Variants in POMT1 observed in about 807,000 individuals in gnomAD.
The protein encoded by POMT1 is protein O-mannosyltransferase 1, also known as protein O-mannosyl-transferase 1.
A neutral mutation model predicts 101.6 loss-of-function variants in POMT1; 85 were observed. The observed-to-expected ratio is 0.84, with a 90% CI of 0.70 to 1.00. The LOEUF (loss-of-function observed/expected upper bound fraction) is 1.00. POMT1 is among the 50% of genes least tolerant of loss of function. The pLI, the probability that POMT1 is intolerant of heterozygous loss-of-function variation, is 0.00. For synonymous variants in POMT1, 371 were observed against 383.0 expected, an observed-to-expected ratio of 0.97 and a Z score of 0.37; for missense variants, 857 against 930.4, an observed-to-expected ratio of 0.92 and a Z score of 1.03.
Position 131,520,210 on chromosome 9 carries a change from G to A in POMT1, c.1698+17G>A. The A allele has an allele frequency of 6.4e-7, 1 of 1,573,614 alleles. No homozygotes were observed. ...AGGACCAGCGTAAGCGAGCGATGCT[G>A]ACAGCTGACAGTCATAGATTCATCC... On this transcript the variant is annotated intron_variant, in intron 17 of 19. Coordinates refer to ENST00000402686, the MANE Select transcript of POMT1 (RefSeq NM_001077365.2).
intron 11 of POMT1, among the ~76,000 whole-genome samples, chr9:131,512,374 C>T (rs548219895): frequency 2.6e-5 from 4 of 152,282 alleles, no homozygotes; most frequent in African/African-American, 9.6e-5. Context: ...CTCAATGCCC[C>T]GACCTGTGTC....
chr9:131,505,750 G>A (rs1195206732), intron 2 of POMT1, among the ~76,000 whole-genome samples: 1 of 151,448 alleles, frequency 6.6e-6, no homozygotes, highest in Non-Finnish European at 1.5e-5. Context: ...TGTGCTGCTG[G>A]TGGGGGCGGG....
At chr9:131,514,897 A>T (rs1357330117) in intron 12 of POMT1, among the ~76,000 whole-genome samples, 2 of 152,214 alleles carry the variant, frequency 1.3e-5, no homozygotes, top group East Asian at 3.9e-4. Context: ...CAGAGATTGC[A>T]GTGAGCTGAG....
At position 131,519,501 on chromosome 9, in the gene POMT1, G is replaced by T; in HGVS notation, c.1584+15G>T. ...CGGAGCTGCAGGTGAGGAGCGGCCAGGGGAAGCTGGCCTAGCTCGCTGAGC... is the reference window on the plus strand; with the variant it reads ...CGGAGCTGCAGGTGAGGAGCGGCCATGGGAAGCTGGCCTAGCTCGCTGAGC... On this transcript the variant is annotated intron_variant, in intron 16 of 19. Transcript: ENST00000402686. The surrounding 1 kb of genome is among the most constrained non-coding windows in gnomAD (Gnocchi z 4.3). The T allele has an allele frequency of 6.5e-7, 1 of 1,548,424 alleles. No individual in the cohort carries two copies. The highest frequency in any genetic ancestry group is 1.2e-5 in the South Asian group (1 of 84,046).
chr9:131,508,822 A>G (rs1946434484), intron 5 of POMT1, 89 bp from the exon 6 acceptor site: 1 of 904,830 alleles, frequency 1.1e-6, no homozygotes, highest in Admixed American at 1.8e-5. Context: ...ATCGCTTCTG[A>G]AGTAATGCCT....
At chr9:131,514,420 C>T (rs891726072) in intron 12 of POMT1, among the ~76,000 whole-genome samples, 3 of 152,226 alleles carry the variant, frequency 2.0e-5, no homozygotes, top group Non-Finnish European at 4.4e-5. Context: ...CCCCCATGGC[C>T]CCTCTATGTA....
At chr9:131,508,840 T>C (rs1946439307) in intron 5 of POMT1, 71 bp from the exon 6 acceptor site, 1 of 1,096,792 alleles carries the variant, frequency 9.1e-7, no homozygotes, top group Admixed American at 1.7e-5. Flanking sequence ...CCTTTTTTCA[T>C]GAGTGTTTTT....
chr9:131,513,748 T>G (rs1947653910), intron 12 of POMT1, among the ~76,000 whole-genome samples: 1 of 152,220 alleles, frequency 6.6e-6, no homozygotes, highest in African/African-American at 2.4e-5. Context: ...CCGTGAAGGC[T>G]TCTTCCTTCT....
chr9:131,519,446 GCAGGAACCT>G lies in POMT1; in HGVS notation c.1548_1556del (p.Arg516_Leu518del). 6.4e-7 allele frequency: 1 copy of G among 1,551,478 alleles called. No individual in the cohort carries two copies. Among genetic ancestry groups the G allele is most frequent in the Non-Finnish European group, 8.7e-7 (1 of 1,147,106 alleles). ...CACTCACCTGCGCAGGTGGACGTCA[GCAGGAACCT>G]CAGCTTCATGGCGAGATTCTCGGAG... On this transcript the variant is annotated inframe_deletion, in exon 16 of 20. Coordinates refer to ENST00000402686, the MANE Select transcript of POMT1 (RefSeq NM_001077365.2). This position sits in a 1 kb window ranked among gnomAD's most constrained non-coding sequence, Gnocchi z 4.3.
rs1487699087 is a variant in POMT1, at chr9:131,519,993, G to A, written c.1585-87G>A. On this transcript the variant is annotated intron_variant, in intron 16 of 19. Transcript: ENST00000402686. This position sits in a 1 kb window ranked among gnomAD's most constrained non-coding sequence, Gnocchi z 4.3. The stretch of plus-strand genomic sequence containing the variant: ...TGAGCTGGGCCAGTCCACGTGCAAG[G>A]GGCAGCAGTGTACTCCTTTGACCAA... The A allele has an allele frequency of 2.0e-6, 2 of 987,162 alleles. No individual in the cohort carries two copies. The highest frequency in any genetic ancestry group is 3.2e-5 in the African/African-American group (2 of 62,404). 61.2% of individuals were successfully genotyped at this position (987,162 alleles called of 1,614,324 possible). A position where few individuals can be genotyped will look rare whatever the true frequency, so the allele number is the denominator to read the frequency against.
chr9:131,504,261 A>G lies in POMT1; in HGVS notation c.43A>G (p.Ile15Val). ...LKRPVVVTAD[I>V]NLSLVALTGM... ...GCGCCCTGTAGTGGTGACGGCTGAC[A>G]TCAACTTGAGCCTTGTGGCCCTGAC... Residue 15 changes from isoleucine to valine, a missense_variant, in exon 2 of 20, where the codon ATC becomes GTC. Physicochemically the swap from Ile to Val is conservative, Grantham distance 29. Coordinates refer to ENST00000402686, the MANE Select transcript of POMT1 (RefSeq NM_001077365.2). The G allele has an allele frequency of 1.2e-6, 2 of 1,614,168 alleles. No individual in the cohort carries two copies. The highest frequency in any genetic ancestry group is 1.7e-6 in the Non-Finnish European group (2 of 1,180,036).
chr9:131,513,250 T>C lies in POMT1; in HGVS notation c.1094T>C (p.Val365Ala), dbSNP rs1251343700. 1 of 1,612,676 alleles carries C rather than the reference T, an allele frequency of 6.2e-7. No individual in the cohort carries two copies. Among genetic ancestry groups the C allele is most frequent in the African/African-American group, 1.3e-5 (1 of 74,782 alleles). ...IVKDPRRHQL[V>A]VSSPPRPVRH... ...ACTGTGTCTTCCAGGCACCAGCTGG[T>C]GGTGAGCAGCCCTCCGAGACCTGTG... Residue 365 changes from valine to alanine, a missense_variant, in exon 12 of 20, where the codon GTG (valine) becomes GCG (alanine). Coordinates refer to ENST00000402686, the MANE Select transcript of POMT1 (RefSeq NM_001077365.2).
rs1047346627 is a variant in POMT1, at chr9:131,523,075, A to G, written c.2147A>G (p.Asp716Gly). Residue 716 changes from aspartate to glycine, a missense_variant, in exon 20 of 20, where the codon GAC (aspartate) becomes GGC (glycine). Coordinates refer to ENST00000402686, the MANE Select transcript of POMT1 (RefSeq NM_001077365.2). The stretch of plus-strand genomic sequence containing the variant: ...GAACTCAAGGCCCTTCGCTGGAAAG[A>G]CAGCTGGGACATCTTGATCCGAAAA... ...PHELKALRWK[D>G]SWDILIRKH The G allele has an allele frequency of 6.2e-7, 1 of 1,611,648 alleles. No homozygotes were observed. Among genetic ancestry groups the G allele is most frequent in the Non-Finnish European group, 8.5e-7 (1 of 1,179,888 alleles).
Position 131,523,256 on chromosome 9 carries a change from T to C in POMT1, c.*150T>C, listed in dbSNP as rs1564396623. ...TCTAGTGGAACACATGGGGGTCTCA[T>C]TGAAAAGCTCTCTGATGAGCACCTC... On this transcript the variant is annotated 3_prime_UTR_variant, in exon 20 of 20. Transcript: ENST00000402686. The C allele has an allele frequency of 6.5e-6, 6 of 925,560 alleles. No homozygotes were observed. The highest frequency in any genetic ancestry group is 6.5e-5 in the Admixed American group (3 of 46,370). The allele number at this position is 925,560 out of a possible 1,614,324, so 57.3% of individuals were successfully genotyped here.
Position 131,509,801 on chromosome 9 carries a change from G to A in POMT1, c.598G>A (p.Ala200Thr). 1 of 1,614,224 alleles carries A rather than the reference G, an allele frequency of 6.2e-7. No individual in the cohort carries two copies. The change falls in exon 7 of 20, where the codon GCA becomes ACA. Residue 200 changes from alanine (A) to threonine (T), a missense_variant. Ala to Thr is a moderately conservative substitution (Grantham distance 58). Transcript: ENST00000402686. ...ACTGACAGGGGTCGCTTGTTCCTGTGCAGTGGGGTGAGTTTGAGCCTCTGG... is the reference window on the plus strand; with the variant it reads ...ACTGACAGGGGTCGCTTGTTCCTGTACAGTGGGGTGAGTTTGAGCCTCTGG... ...LTLTGVACSC[A>T]VGIKYMGVFT...
Position 131,519,027 on chromosome 9 carries a change from C to A in POMT1, c.1486+70C>A. 1 of 1,603,954 alleles carries A rather than the reference C, an allele frequency of 6.2e-7. No homozygotes were observed. The highest frequency in any genetic ancestry group is 8.5e-7 in the Non-Finnish European group (1 of 1,177,866). Reference sequence around the variant, plus strand: ...AGCTGCTCAATATTTGATAACACCCCAGAGTTCTCATTTTGGTGGGAAGGG... The same window carrying A: ...AGCTGCTCAATATTTGATAACACCCAAGAGTTCTCATTTTGGTGGGAAGGG... On this transcript the variant is annotated intron_variant, in intron 15 of 19. Transcript: ENST00000402686. This position sits in a 1 kb window ranked among gnomAD's most constrained non-coding sequence, Gnocchi z 4.3.
At chr9:131,518,624 C>T in intron 14 of POMT1, 87 bp downstream of exon 14, 1 of 1,416,242 alleles carries the variant, frequency 7.1e-7, no homozygotes, top group Non-Finnish European at 1.0e-6. Context: ...CGCCTCTCTG[C>T]AGGCGGAACG....
chr9:131,523,324 C>T lies in POMT1; in HGVS notation c.*218C>T, dbSNP rs1950331772. On this transcript the variant is annotated 3_prime_UTR_variant, in exon 20 of 20. Transcript: ENST00000402686. ...TTTTTTCTCGACAATAAAGATATTC[C>T]GTGTCTTTACCCCTGAACTAAGACA... is the stretch of plus-strand genomic sequence containing the variant. The T allele has an allele frequency of 6.5e-6, 4 of 614,204 alleles. No homozygotes were observed. The highest frequency in any genetic ancestry group is 5.8e-5 in the East Asian group (2 of 34,648). 38.0% of individuals were successfully genotyped at this position (614,204 alleles called of 1,614,324 possible).
intron 8 of POMT1, 72 bp from the exon 9 acceptor site, chr9:131,510,188 A>G: frequency 6.2e-7 from 1 of 1,611,000 alleles, no homozygotes; most frequent in South Asian, 1.1e-5. Context: ...ACTTTTTCTA[A>G]GCTCACAATG....
Sources: gnomAD v4.1 joint callset for allele counts (sites outside exome capture counted in the v4.1 genomes callset) on GRCh38, gnomAD v4.1.1 for gene constraint, Gnocchi (gnomAD v3.1) non-coding constraint, MANE v1.5 for transcripts, NCBI Gene and HGNC (gene_info 2026-07-23, HGNC 2026-07-21) for gene names.